XKR6: variants seen among roughly 807,000 people sequenced by gnomAD.
XKR6 encodes the protein XK-related protein 6.
In XKR6, 22 loss-of-function variants were observed where a neutral mutation model predicts 56.7. That is an observed-to-expected ratio of 0.39 (90% CI 0.28 to 0.55). XKR6 has a LOEUF of 0.55. Among genes scored for constraint, XKR6 ranks in the 20% least tolerant of loss-of-function variants. The pLI, the probability that XKR6 is intolerant of heterozygous loss-of-function variation, is 0.66. For synonymous variants in XKR6, 524 were observed against 387.8 expected (o/e 1.35, Z -4.13); for missense variants, 852 against 889.0 (o/e 0.96, Z 0.53).
chr8:10,954,886 T>TTTTTTTTTTTTTTGTC (rs1801834290), intron 1 of XKR6, among the ~76,000 whole-genome samples: 1 of 147,424 alleles, frequency 6.8e-6, no homozygotes. Context: ...TTTTTTTTTT[T>TTTTTTTTTTTTTTGTC]AGACAGAGTT....
chr8:11,132,887 G>C (rs1563161848), intron 1 of XKR6, among the ~76,000 whole-genome samples: 1 of 149,764 alleles, frequency 6.7e-6, no homozygotes, highest in Non-Finnish European at 1.5e-5. Context: ...TTCCAATGGA[G>C]ATGCCAGAAA....
At chr8:11,073,084 G>C (rs146438456) in intron 1 of XKR6, among the ~76,000 whole-genome samples, 3,173 of 152,258 alleles carry the variant, frequency 0.021, 101 homozygotes, top group African/African-American at 0.072. Context: ...ACATGCTAAA[G>C]GACCCTGTGA....
At chr8:11,111,441 G>A (rs1798886755) in intron 1 of XKR6, among the ~76,000 whole-genome samples, 1 of 152,088 alleles carries the variant, frequency 6.6e-6, no homozygotes, top group Non-Finnish European at 1.5e-5. Context: ...TCTAATACAG[G>A]CCATTCTGAG....
At chr8:11,099,426 G>T (rs1304139424) in intron 1 of XKR6, among the ~76,000 whole-genome samples, 1 of 152,238 alleles carries the variant, frequency 6.6e-6, no homozygotes, top group Non-Finnish European at 1.5e-5. Flanking sequence ...TTAGGCTCTG[G>T]CTTCAAGTGA....
chr8:11,030,224 G>T (rs369620782), intron 1 of XKR6, among the ~76,000 whole-genome samples: 29 of 152,288 alleles, frequency 1.9e-4, no homozygotes, highest in African/African-American at 6.7e-4. Flanking sequence ...CAGTCCCCTG[G>T]CCTGGACTGC....
chr8:10,973,928 CAT>C (rs1280857714), intron 1 of XKR6, among the ~76,000 whole-genome samples: 5 of 152,200 alleles, frequency 3.3e-5, no homozygotes, highest in African/African-American at 1.2e-4. Flanking sequence ...TAGCACAGTG[CAT>C]AGATACTTTC....
chr8:11,032,398 G>T (rs898403406), intron 1 of XKR6, among the ~76,000 whole-genome samples: 1 of 152,250 alleles, frequency 6.6e-6, no homozygotes, highest in South Asian at 2.1e-4. Flanking sequence ...GTGAAAGACA[G>T]AGTGTGTGTG....
At chr8:11,079,345 T>A (rs12542383) in intron 1 of XKR6, among the ~76,000 whole-genome samples, 3 of 152,152 alleles carry the variant, frequency 2.0e-5, no homozygotes, top group Admixed American at 2.0e-4. Flanking sequence ...ATAGAGTAAG[T>A]GCAGCTTTTA....
intron 1 of XKR6, among the ~76,000 whole-genome samples, chr8:11,096,809 T>C (rs1353360928): frequency 1.3e-5 from 2 of 152,224 alleles, no homozygotes; most frequent in African/African-American, 4.8e-5. Context: ...TTGCAGTTTT[T>C]AGCTGTTTTT....
At chr8:11,042,434 A>C (rs1467863069) in intron 1 of XKR6, among the ~76,000 whole-genome samples, 1 of 152,110 alleles carries the variant, frequency 6.6e-6, no homozygotes, top group Non-Finnish European at 1.5e-5. Flanking sequence ...GTGAGTTCTC[A>C]TGAGATCTGA....
intron 2 of XKR6, 139 bp downstream of exon 2, chr8:10,924,495 G>A: frequency 2.0e-6 from 2 of 1,000,030 alleles, no homozygotes; most frequent in Non-Finnish European, 2.9e-6. Flanking sequence ...CACTGCACTG[G>A]GGGCCGGGCG....
chr8:11,149,735 C>T lies in XKR6; in HGVS notation c.764+50841G>A, dbSNP rs185518007. Among the ~76,000 whole-genome samples, 60 of 152,270 alleles carry T rather than the reference C, an allele frequency of 3.9e-4. No individual in the cohort carries two copies. The East Asian group carries it at 8.1e-3, about 21-fold the overall frequency. On this transcript the variant is annotated intron_variant, in intron 1 of 2. Transcript: ENST00000416569. ...GAACCACTATATATGATCCAGCAAT[C>T]CCATTACTGGGCATTTGTCCAAAGG...
chr8:10,914,043 G>A (rs2129112353), intron 2 of XKR6, among the ~76,000 whole-genome samples: 1 of 152,284 alleles, frequency 6.6e-6, no homozygotes, highest in Middle Eastern at 3.4e-3. Flanking sequence ...TGGCCCTTGG[G>A]CAAATTCCAG....
intron 1 of XKR6, among the ~76,000 whole-genome samples, chr8:11,186,909 T>G (rs1803305950): frequency 6.6e-6 from 1 of 152,148 alleles, no homozygotes; most frequent in Non-Finnish European, 1.5e-5. Flanking sequence ...ATTTACTGCC[T>G]CTCATATTTA....
chr8:11,076,708 C>G (rs529750491), intron 1 of XKR6, among the ~76,000 whole-genome samples: 2 of 152,330 alleles, frequency 1.3e-5, no homozygotes, highest in Non-Finnish European at 2.9e-5. Flanking sequence ...CTGAGTCCAG[C>G]CAGGATCCGG....
At chr8:10,926,231 C>A (rs1800879474) in intron 1 of XKR6, among the ~76,000 whole-genome samples, 1 of 152,206 alleles carries the variant, frequency 6.6e-6, no homozygotes, top group Non-Finnish European at 1.5e-5. Context: ...TGGCTCCCAG[C>A]CACTGCCCCT....
intron 1 of XKR6, among the ~76,000 whole-genome samples, chr8:11,140,275 A>G (rs1314718718): frequency 6.6e-6 from 1 of 152,224 alleles, no homozygotes; most frequent in African/African-American, 2.4e-5. Context: ...GAAGACTACA[A>G]TCCAAGAAAC....
chr8:11,066,619 G>A (rs1799985768), intron 1 of XKR6, among the ~76,000 whole-genome samples: 1 of 152,184 alleles, frequency 6.6e-6, no homozygotes, highest in Non-Finnish European at 1.5e-5. Context: ...ACCAGCTCAC[G>A]AGGCCAGTCC....
intron 1 of XKR6, among the ~76,000 whole-genome samples, chr8:11,034,415 A>G (rs955621125): frequency 2.6e-5 from 4 of 152,166 alleles, no homozygotes; most frequent in African/African-American, 9.7e-5. Flanking sequence ...ATTTATGGGG[A>G]AGGGGAAGAA....
Sources: allele counts gnomAD v4.1 joint callset (sites outside exome capture counted in the v4.1 genomes callset), GRCh38; gene constraint gnomAD v4.1.1; transcripts MANE v1.5; gene names NCBI Gene and HGNC (gene_info 2026-07-23, HGNC 2026-07-21).